Variants in LPP observed in about 807,000 individuals in gnomAD.
LPP encodes lipoma-preferred partner.
LPP carries 38 observed loss-of-function variants against 60.4 expected under a neutral mutation model. The observed-to-expected ratio is 0.63, with a 90% CI of 0.49 to 0.83. LPP has a LOEUF of 0.83. Among genes scored for constraint, LPP ranks in the 40% least tolerant of loss-of-function variants. LPP has a pLI of 0.00. For synonymous variants in LPP, 328 were observed against 290.8 expected (o/e 1.13, Z -1.30); for missense variants, 902 against 783.6 (o/e 1.15, Z -1.80).
intron 6 of LPP, among the ~76,000 whole-genome samples, chr3:188,588,708 C>T (rs1838030584): frequency 6.6e-6 from 1 of 152,232 alleles, no homozygotes; most frequent in African/African-American, 2.4e-5. Flanking sequence ...AATTCTGCCA[C>T]ATTTGTTTGT....
At chr3:188,845,201 C>T (rs1029739357) in intron 9 of LPP, among the ~76,000 whole-genome samples, 1 of 152,132 alleles carries the variant, frequency 6.6e-6, no homozygotes, top group Non-Finnish European at 1.5e-5. Context: ...TAAAGAAGTA[C>T]CTAGAAGGCC....
chr3:188,161,469 T>A (rs757893757), intron 1 of LPP, among the ~76,000 whole-genome samples: 4 of 152,210 alleles, frequency 2.6e-5, no homozygotes, highest in Admixed American at 2.0e-4. Context: ...ATTTTTTTAA[T>A]GTACACCAAA....
intron 7 of LPP, among the ~76,000 whole-genome samples, chr3:188,662,353 G>A (rs909275629): frequency 6.6e-6 from 1 of 152,130 alleles, no homozygotes; most frequent in African/African-American, 2.4e-5. Context: ...ATTAAGATTT[G>A]GGAGAGTCAG....
intron 9 of LPP, among the ~76,000 whole-genome samples, chr3:188,800,103 T>C (rs1240806411): frequency 2.6e-5 from 4 of 151,842 alleles, no homozygotes; most frequent in South Asian, 2.1e-4. Flanking sequence ...TTTAGTGATA[T>C]AGAATTCTAT....
chr3:188,411,615 T>C (rs1035999981), intron 4 of LPP, among the ~76,000 whole-genome samples: 1 of 152,178 alleles, frequency 6.6e-6, no homozygotes, highest in African/African-American at 2.4e-5. Flanking sequence ...ATTTTTCTTC[T>C]GGTCTTCAAA....
intron 9 of LPP, among the ~76,000 whole-genome samples, chr3:188,859,897 A>G (rs992365805): frequency 3.7e-4 from 56 of 152,280 alleles, no homozygotes; most frequent in Middle Eastern, 6.8e-3. Context: ...TATCAGGAAA[A>G]CTTTCATCTG....
chr3:188,234,107 A>G (rs1339989103), intron 2 of LPP, among the ~76,000 whole-genome samples: 4 of 152,094 alleles, frequency 2.6e-5, no homozygotes, highest in Non-Finnish European at 5.9e-5. Context: ...GAAACCCGTT[A>G]TCTGTACTCT....
chr3:188,610,461 C>T lies in LPP; in HGVS notation c.1113+617C>T, dbSNP rs934466794. ...ATAATGCAAATGCCTTGGACAGTTT[C>T]TCCTTTGAGAAGGGGCTGCAGTATA... is the stretch of plus-strand genomic sequence containing the variant. On this transcript the variant is annotated intron_variant, in intron 7 of 11. Transcript: ENST00000617246. This position sits in a 1 kb window ranked among gnomAD's most constrained non-coding sequence, Gnocchi z 4.4. Among the ~76,000 whole-genome samples, 6 of 152,250 alleles carry T rather than the reference C, an allele frequency of 3.9e-5. No homozygotes were observed. The East Asian group carries it at 1.2e-3, about 29-fold the overall frequency.
rs1577577713 is a variant in LPP, at chr3:188,791,455, C to T, written c.1410+31173C>T. On this transcript the variant is annotated intron_variant, in intron 9 of 11. Transcript: ENST00000617246. ...TTTCTGTTTCTCTTGTTTATGCGAT[C>T]GTTTGTCATTGGCCTTGTGTTGGTG... Among the ~76,000 whole-genome samples the T allele has an allele frequency of 2.6e-5, 4 of 152,156 alleles. No individual in the cohort carries two copies. In the South Asian group the frequency reaches 6.2e-4, roughly 24 times the overall value.
intron 4 of LPP, among the ~76,000 whole-genome samples, chr3:188,421,238 A>T (rs1787713257): frequency 6.6e-6 from 1 of 152,094 alleles, no homozygotes; most frequent in Admixed American, 6.6e-5. Flanking sequence ...TTAAAATGTC[A>T]TATTTGTTCT....
At chr3:188,723,676 G>A (rs1717306913) in intron 8 of LPP, among the ~76,000 whole-genome samples, 1 of 151,758 alleles carries the variant, frequency 6.6e-6, no homozygotes, top group Non-Finnish European at 1.5e-5. Flanking sequence ...GAATTTCGAT[G>A]CATAATCCAC....
rs571918988 is a variant in LPP at position 188,547,236 on chromosome 3, T to G, written c.429+22449T>G. On this transcript the variant is annotated intron_variant, in intron 6 of 11. Coordinates refer to ENST00000617246, the MANE Select transcript of LPP (RefSeq NM_001375462.1). ...ATGTTTCTGCAAATGCATTCCCTCCTTCTGTCTTCCTGTCTGCCTTATATA... is the reference window on the plus strand; with the variant it reads ...ATGTTTCTGCAAATGCATTCCCTCCGTCTGTCTTCCTGTCTGCCTTATATA... 2.0e-5 allele frequency among the ~76,000 whole-genome samples: 3 copies of G among 152,348 alleles called. No individual in the cohort carries two copies. In the East Asian group the frequency reaches 5.8e-4, roughly 29 times the overall value.
At chr3:188,328,502 A>T (rs1578132358) in intron 2 of LPP, among the ~76,000 whole-genome samples, 1 of 152,150 alleles carries the variant, frequency 6.6e-6, no homozygotes, top group Non-Finnish European at 1.5e-5. Context: ...CATGAATTTT[A>T]TTTTTGGCTA....
chr3:188,743,801 G>A (rs1418854055), intron 8 of LPP: 1 of 152,082 alleles, frequency 6.6e-6, no homozygotes, highest in African/African-American at 2.4e-5. Context: ...TCACAAGATA[G>A]GCAATGAATA....
chr3:188,573,848 C>G (rs1834026819), intron 6 of LPP, among the ~76,000 whole-genome samples: 2 of 151,968 alleles, frequency 1.3e-5, no homozygotes, highest in Non-Finnish European at 2.9e-5. Context: ...AAGAGGGCGT[C>G]TCTAATCAAT....
intron 7 of LPP, among the ~76,000 whole-genome samples, chr3:188,655,230 C>T (rs1852918755): frequency 6.6e-6 from 1 of 152,004 alleles, no homozygotes. Flanking sequence ...TAAAATAGGC[C>T]CCTGTTCTTC....
intron 2 of LPP, among the ~76,000 whole-genome samples, chr3:188,268,945 A>G (rs9810855): frequency 0.11 from 17,321 of 152,200 alleles, 1,342 homozygotes; most frequent in African/African-American, 0.21. Flanking sequence ...AATGGCTAGA[A>G]ATATAGAGAA....
At chr3:188,563,713 C>G (rs1180994778) in intron 6 of LPP, among the ~76,000 whole-genome samples, 2 of 122,624 alleles carry the variant, frequency 1.6e-5, no homozygotes, top group Non-Finnish European at 3.5e-5. Context: ...ATTGGAATTG[C>G]TTGTGTTTTT....
At position 188,586,634 on chromosome 3, in the gene LPP, A is replaced by G. The variant is rs114455471; in HGVS notation, c.430-22527A>G. Reference sequence around the variant, plus strand: ...TAGAGAAAAGATATTTCTATGAGAAATGAAACTGCAGAATGCTGAGCAGTG... The same window carrying G: ...TAGAGAAAAGATATTTCTATGAGAAGTGAAACTGCAGAATGCTGAGCAGTG... On this transcript the variant is annotated intron_variant, in intron 6 of 11. Transcript: ENST00000617246. Among the ~76,000 whole-genome samples, 519 of 152,324 alleles carry G rather than the reference A, an allele frequency of 3.4e-3. 3 individuals carry two copies. Among genetic ancestry groups the G allele is most frequent in the African/African-American group, 0.012 (503 of 41,580 alleles).
Sources: allele counts gnomAD v4.1 joint callset (sites outside exome capture counted in the v4.1 genomes callset), GRCh38; gene constraint gnomAD v4.1.1; non-coding constraint Gnocchi (gnomAD v3.1); transcripts MANE v1.5; gene names NCBI Gene and HGNC (gene_info 2026-07-23, HGNC 2026-07-21).